The following SYTL2 variants were observed in gnomAD, a reference collection of about 807,000 sequenced individuals.
SYTL2 encodes the protein synaptotagmin like 2, also known as synaptotagmin-like protein 2.
SYTL2 carries 165 observed loss-of-function variants against 198.7 expected under a neutral mutation model. That is an observed-to-expected ratio of 0.83 (90% CI 0.73 to 0.94). SYTL2 has a LOEUF of 0.94. SYTL2 is among the 40% of genes least tolerant of loss of function. The probability of loss-of-function intolerance (pLI) is 0.00; values close to 1 mark genes in which losing one functional copy is unlikely to be tolerated. For synonymous variants in SYTL2, 966 were observed against 917.7 expected, an observed-to-expected ratio of 1.05 and a Z score of -0.95; for missense variants, 2,835 against 2,582.8, an observed-to-expected ratio of 1.10 and a Z score of -2.12.
At chr11:85,849,562 G>C in the SYTL2 span, among the ~76,000 whole-genome samples, 198 of 151,930 alleles carry the variant, frequency 1.3e-3, no homozygotes, top group Non-Finnish European at 2.2e-3. Flanking sequence ...CCCATTGCTT[G>C]TTTTTCTCAG....
At chr11:85,782,402 TGG>T (rs1172290250) in intron 1 of SYTL2, among the ~76,000 whole-genome samples, 1 of 152,032 alleles carries the variant, frequency 6.6e-6, no homozygotes, top group African/African-American at 2.4e-5. Flanking sequence ...CTGTGATGGG[TGG>T]GGGGGCTGCT....
chr11:85,715,171 T>TAGCA (rs2086974084), intron 11 of SYTL2: 1 of 152,194 alleles, frequency 6.6e-6, no homozygotes. Context: ...TAAGAAAATG[T>TAGCA]AGCATATGTC....
intron 4 of SYTL2, among the ~76,000 whole-genome samples, chr11:85,741,007 T>C (rs1591836914): frequency 6.6e-6 from 1 of 152,238 alleles, no homozygotes; most frequent in East Asian, 1.9e-4. Flanking sequence ...AAAAGGTTTT[T>C]AACGTTCACC....
chr11:85,719,345 G>A (rs1170200893), intron 9 of SYTL2: 9 of 1,145,434 alleles, frequency 7.9e-6, no homozygotes, highest in Non-Finnish European at 9.8e-6. Flanking sequence ...TAGTGTGAGA[G>A]TGGGTATCAG....
chr11:85,727,443 T>C lies in SYTL2; in HGVS notation c.1915A>G (p.Thr639Ala). ...ATATTTTTACTCCCTTGACTTGGGG[T>C]GCCATAGCTTTCAAATGGTTGCAAT... is the stretch of plus-strand genomic sequence containing the variant. ...GILQPFESYG[T>A]PSQGSKNMDY... is the part of the protein sequence containing the mutation. Residue 639 changes from threonine to alanine, a missense_variant, in exon 8 of 20, where the codon ACC (threonine) becomes GCC (alanine). Coordinates refer to ENST00000359152, the MANE Select transcript of SYTL2 (RefSeq NM_206927.4). 6.5e-7 allele frequency: 1 copy of C among 1,536,158 alleles called. No individual in the cohort carries two copies. The highest frequency in any genetic ancestry group is 8.7e-7 in the Non-Finnish European group (1 of 1,146,906).
At chr11:85,754,546 G>A (rs1303043067) in intron 2 of SYTL2, among the ~76,000 whole-genome samples, 1 of 152,092 alleles carries the variant, frequency 6.6e-6, no homozygotes. Context: ...TATTCATGAG[G>A]AAACAGTGAT....
chr11:85,853,059 C>T, the SYTL2 span: 12 of 298,096 alleles, frequency 4.0e-5, no homozygotes, highest in South Asian at 1.4e-4. Flanking sequence ...CGCCTCCGCC[C>T]GGCCGCCTCC....
intron 14 of SYTL2, 58 bp from the exon 15 acceptor site, chr11:85,707,589 C>A: frequency 8.9e-7 from 1 of 1,127,238 alleles, no homozygotes; most frequent in Non-Finnish European, 1.3e-6. Flanking sequence ...GTTTCCACCT[C>A]TAGTTTTTTA....
intron 16 of SYTL2, among the ~76,000 whole-genome samples, chr11:85,701,041 C>T (rs2084217588): frequency 6.6e-6 from 1 of 152,126 alleles, no homozygotes; most frequent in South Asian, 2.1e-4. Context: ...TTCAAAGCTG[C>T]ACTAATCTGA....
At chr11:85,842,482 CCA>C in the SYTL2 span, among the ~76,000 whole-genome samples, 1 of 152,216 alleles carries the variant, frequency 6.6e-6, no homozygotes, top group Non-Finnish European at 1.5e-5. Flanking sequence ...AAACCAAGCC[CCA>C]GTTACCCATC....
intron 1 of SYTL2, among the ~76,000 whole-genome samples, chr11:85,786,097 A>T (rs2092631386): frequency 6.6e-6 from 1 of 152,244 alleles, no homozygotes; most frequent in African/African-American, 2.4e-5. Context: ...CTTGATAGAC[A>T]CAACTTGGAT....
rs540173109 is a variant in SYTL2 at position 85,735,046 on chromosome 11, T to C, written c.587-304A>G. ...TGAACCCTGATGTAAACGATGTACT[T>C]TGGGTGATAGTGATGTCTCAATGTG... On this transcript the variant is annotated intron_variant, in intron 6 of 19. Coordinates refer to ENST00000359152, the MANE Select transcript of SYTL2 (RefSeq NM_206927.4). Among the ~76,000 whole-genome samples the C allele has an allele frequency of 3.2e-4, 49 of 152,298 alleles. 1 individual carries two copies. In the South Asian group the frequency reaches 0.01, roughly 32 times the overall value.
intron 1 of SYTL2, among the ~76,000 whole-genome samples, chr11:85,797,484 T>C (rs1198475279): frequency 6.6e-6 from 1 of 151,622 alleles, no homozygotes; most frequent in East Asian, 1.9e-4. Flanking sequence ...AAAAATTAGC[T>C]GGGCATGGTG....
intron 1 of SYTL2, among the ~76,000 whole-genome samples, chr11:85,793,999 T>C (rs973827413): frequency 2.0e-5 from 3 of 152,134 alleles, no homozygotes; most frequent in African/African-American, 7.2e-5. Flanking sequence ...ACACAATCCC[T>C]CAATCCCCAT....
the SYTL2 span, among the ~76,000 whole-genome samples, chr11:85,847,396 T>C: frequency 6.6e-6 from 1 of 152,340 alleles, no homozygotes; most frequent in South Asian, 2.1e-4. Flanking sequence ...CTTTTTTTTT[T>C]CATTCCTAAG....
In SYTL2 at chr11:85,726,572, G is replaced by A; in HGVS notation, c.2786C>T (p.Pro929Leu). The change falls in exon 8 of 20, where the codon CCA becomes CTA. Residue 929 changes from proline to leucine, a missense_variant. By Grantham distance (98) the Pro-to-Leu change is moderately conservative. Around this residue, in one of 3 missense-constraint regions of SYTL2, gnomAD observed 2,645 missense variants for 2,381.7 expected, o/e 1.11. Coordinates refer to ENST00000359152, the MANE Select transcript of SYTL2 (RefSeq NM_206927.4). ...SLPSRRNITL[P>L]ALQPPSNVGS... ...GACATTTGAGGGAGGTTGCAGTGCT[G>A]GTAAAGTAATGTTTCTTCTAGAAGG... The A allele has an allele frequency of 6.3e-7, 1 of 1,584,950 alleles. No individual in the cohort carries two copies.
At chr11:85,776,982 G>A (rs1212288786) in intron 1 of SYTL2, among the ~76,000 whole-genome samples, 1 of 152,174 alleles carries the variant, frequency 6.6e-6, no homozygotes. Flanking sequence ...GACTTAACCT[G>A]AGCTTTGGAC....
chr11:85,849,617 G>C, the SYTL2 span, among the ~76,000 whole-genome samples: 5 of 150,228 alleles, frequency 3.3e-5, no homozygotes, highest in African/African-American at 7.3e-5. Flanking sequence ...CGTTATTTCT[G>C]AGGGCTCTGT....
chr11:85,734,244 G>A lies in SYTL2; in HGVS notation c.1085C>T (p.Ser362Phe). Reference sequence around the variant, plus strand: ...TTCCATTCCATTTTTCAATCTGTCAGATTCTAAAACACTAAATTCTCCTAC... The same window carrying A: ...TTCCATTCCATTTTTCAATCTGTCAAATTCTAAAACACTAAATTCTCCTAC... ...REVGEFSVLE[S>F]DRLKNGMEDA... The change falls in exon 7 of 20, where the codon TCT (serine) becomes TTT (phenylalanine). Residue 362 changes from serine to phenylalanine, a missense_variant. This residue lies in a region of SYTL2 where 2,645 missense variants were observed against 2,381.7 expected (regional missense o/e 1.11). Coordinates refer to ENST00000359152, the MANE Select transcript of SYTL2 (RefSeq NM_206927.4). 1 of 1,614,206 alleles carries A rather than the reference G, an allele frequency of 6.2e-7. No homozygotes were observed. Among genetic ancestry groups the A allele is most frequent in the Non-Finnish European group, 8.5e-7 (1 of 1,180,024 alleles).
Sources: gnomAD v4.1 joint callset for allele counts (sites outside exome capture counted in the v4.1 genomes callset) on GRCh38, gnomAD v4.1.1 for gene constraint, gnomAD v4.1.1 regional missense constraint, MANE v1.5 for transcripts, NCBI Gene and HGNC (gene_info 2026-07-23, HGNC 2026-07-21) for gene names.